The following CROCC2 variants were observed in gnomAD, a reference collection of about 807,000 sequenced individuals.
CROCC2 encodes ciliary rootlet coiled-coil, rootletin family member 2.
CROCC2 carries 163 observed loss-of-function variants against 177.6 expected under a neutral mutation model. The ratio of observed to expected loss-of-function variants is 0.92; its 90% CI spans 0.81 to 1.05. CROCC2 has a LOEUF of 1.05. Ranked by LOEUF, CROCC2 falls within the 50% of genes least tolerant of loss-of-function variation. The pLI is 0.00. For synonymous variants in CROCC2, 904 were observed against 787.3 expected (o/e 1.15, Z -2.48); for missense variants, 1,929 against 1,797.8 (o/e 1.07, Z -1.32).
At chr2:240,943,775 C>T (rs188668395) in intron 14 of CROCC2, among the ~76,000 whole-genome samples, 99 of 152,260 alleles carry the variant, frequency 6.5e-4, no homozygotes, top group African/African-American at 2.2e-3. Context: ...CCACCAAGCC[C>T]GGCCTAAAGC....
At chr2:240,965,271 T>C in intron 22 of CROCC2, 110 bp from the exon 23 acceptor site, 1 of 1,460,584 alleles carries the variant, frequency 6.8e-7, no homozygotes, top group East Asian at 2.5e-5. Flanking sequence ...CCTCCCTAAG[T>C]GTGGCCAGCT....
chr2:240,973,368 C>T lies in CROCC2; in HGVS notation c.4401+5106C>T, dbSNP rs771395984. Reference sequence around the variant, plus strand: ...CCAAGTAGCTGGCCAGGTCTCTGAGCAGGCGGGAGGCCTGGCACTCACTCA... The same window carrying T: ...CCAAGTAGCTGGCCAGGTCTCTGAGTAGGCGGGAGGCCTGGCACTCACTCA... On this transcript the variant is annotated intron_variant, in intron 27 of 31. Coordinates refer to ENST00000690015, the MANE Select transcript of CROCC2 (RefSeq NM_001351305.2). The surrounding 1 kb of genome is among the most constrained non-coding windows in gnomAD (Gnocchi z 4.7). 4.6e-5 allele frequency among the ~76,000 whole-genome samples: 7 copies of T among 152,152 alleles called. No individual in the cohort carries two copies. Among genetic ancestry groups the T allele is most frequent in the Non-Finnish European group, 1.0e-4 (7 of 68,026 alleles).
In CROCC2 at chr2:240,926,977, T is replaced by C. The variant is rs1264303510; in HGVS notation, c.645+1097T>C. Reference sequence around the variant, plus strand: ...AGGATCCCGGGAGCCGATTCTGCTGTGTGAGAACAAATGCCAGAAGGAGAG... The same window carrying C: ...AGGATCCCGGGAGCCGATTCTGCTGCGTGAGAACAAATGCCAGAAGGAGAG... On this transcript the variant is annotated intron_variant, in intron 5 of 31. Coordinates refer to ENST00000690015, the MANE Select transcript of CROCC2 (RefSeq NM_001351305.2). Among the ~76,000 whole-genome samples the C allele has an allele frequency of 3.3e-5, 5 of 152,390 alleles. No individual in the cohort carries two copies. In the East Asian group the frequency reaches 5.8e-4, roughly 18 times the overall value.
chr2:240,992,711 AG>A (rs2059888291), intron 31 of CROCC2, among the ~76,000 whole-genome samples: 1 of 152,106 alleles, frequency 6.6e-6, no homozygotes, highest in Non-Finnish European at 1.5e-5. Flanking sequence ...ATGGCCAGTC[AG>A]GGGTGGAGGA....
chr2:240,988,329 G>C (rs2059854149), intron 28 of CROCC2, among the ~76,000 whole-genome samples: 1 of 152,230 alleles, frequency 6.6e-6, no homozygotes, highest in Admixed American at 6.5e-5. Context: ...GAGCTCAGCA[G>C]ATCCTGAGTG....
At chr2:240,934,805 A>T (rs919802806) in intron 12 of CROCC2, 111 bp from the exon 13 acceptor site, 1 of 1,225,276 alleles carries the variant, frequency 8.2e-7, no homozygotes, top group African/African-American at 1.6e-5. Context: ...TGTCCGCCCA[A>T]GAGCTCTGGC....
chr2:240,967,690 GC>G, intron 26 of CROCC2: 1 of 561,254 alleles, frequency 1.8e-6, no homozygotes. Context: ...ACGTCCACAG[GC>G]CCATCAGGGC....
intron 6 of CROCC2, 143 bp downstream of exon 6, chr2:240,930,412 G>C (rs999738039): frequency 9.3e-6 from 4 of 428,800 alleles, no homozygotes; most frequent in African/African-American, 8.2e-5. Flanking sequence ...CCCAGCCCTG[G>C]CTGGGCCTCA....
chr2:240,949,028 G>A lies in CROCC2; in HGVS notation c.2413G>A (p.Ala805Thr), dbSNP rs1366148971. ...CAGCCTCCTTGAGGCCCAACAGCTG[G>A]CCACAAAGCTGCAGGAGCAGCTGGA... is the stretch of plus-strand genomic sequence containing the variant. ...ESSLLEAQQLATKLQEQLEEE... is the reference protein window; with the variant it reads ...ESSLLEAQQLTTKLQEQLEEE... The change falls in exon 16 of 32, where the codon GCC (alanine) becomes ACC (threonine). Residue 805 changes from alanine to threonine, a missense_variant. Physicochemically the swap from Ala to Thr is moderately conservative, Grantham distance 58 (BLOSUM62 0). Around this residue, in one of 3 missense-constraint regions of CROCC2, gnomAD observed 1,397 missense variants for 1,239.9 expected, o/e 1.13. Coordinates refer to ENST00000690015, the MANE Select transcript of CROCC2 (RefSeq NM_001351305.2). The surrounding 1 kb of genome is among the most constrained non-coding windows in gnomAD (Gnocchi z 4.5). The A allele has an allele frequency of 2.6e-6, 4 of 1,549,838 alleles. No homozygotes were observed. Among genetic ancestry groups the A allele is most frequent in the Non-Finnish European group, 3.5e-6 (4 of 1,146,860 alleles).
At chr2:240,962,791 C>T (rs2059652121) in intron 20 of CROCC2, among the ~76,000 whole-genome samples, 1 of 152,122 alleles carries the variant, frequency 6.6e-6, no homozygotes, top group South Asian at 2.1e-4. Flanking sequence ...GGAGACTGGG[C>T]GCCAGGGCCG....
At chr2:240,928,735 TGCAGACAG>T (rs2059409673) in intron 5 of CROCC2, among the ~76,000 whole-genome samples, 1 of 138,784 alleles carries the variant, frequency 7.2e-6, no homozygotes, top group Non-Finnish European at 1.7e-5. Flanking sequence ...TCGGAGGGCG[TGCAGACAG>T]GTGTAACGGG....
At chr2:240,959,687 G>A (rs959564411) in intron 20 of CROCC2, 4 of 443,956 alleles carry the variant, frequency 9.0e-6, no homozygotes, top group Non-Finnish European at 1.6e-5. Context: ...GCCTGGCCCA[G>A]GCCATTGGCT....
chr2:240,967,199 C>T, intron 25 of CROCC2, 146 bp from the exon 26 acceptor site: 3 of 397,388 alleles, frequency 7.5e-6, no homozygotes, highest in Non-Finnish European at 1.3e-5. Context: ...TCCCCGAGCC[C>T]ACGGCCCACA....
chr2:240,948,563 T>C (rs775368365), intron 15 of CROCC2, among the ~76,000 whole-genome samples: 3 of 152,310 alleles, frequency 2.0e-5, no homozygotes, highest in African/African-American at 7.2e-5. Flanking sequence ...CCATTGATGG[T>C]TGGATCATTG....
chr2:240,965,395 G>A lies in CROCC2; in HGVS notation c.3480G>A (p.Lys1160=). The A allele has an allele frequency of 6.5e-7, 1 of 1,549,536 alleles. No homozygotes were observed. Among genetic ancestry groups the A allele is most frequent in the Non-Finnish European group, 8.7e-7 (1 of 1,146,908 alleles). The change falls in exon 23 of 32, where the codon AAG becomes AAA. Residue 1160 remains lysine (K), a synonymous_variant. Coordinates refer to ENST00000690015, the MANE Select transcript of CROCC2 (RefSeq NM_001351305.2). ...RELHRQVRTL[K]AENQRRSGEA... Reference sequence around the variant, plus strand: ...CACGCTCCCAGGTGAGGACACTGAAGGCCGAGAACCAGAGGAGGAGTGGAG... The same window carrying A: ...CACGCTCCCAGGTGAGGACACTGAAAGCCGAGAACCAGAGGAGGAGTGGAG...
At chr2:240,964,374 A>G (rs2059662706) in intron 21 of CROCC2, 92 bp from the exon 22 acceptor site, 1 of 1,416,644 alleles carries the variant, frequency 7.1e-7, no homozygotes, top group South Asian at 1.3e-5. Context: ...GACTGGGGCC[A>G]GTGCCTCACT....
At chr2:240,930,903 C>A (rs552351048) in intron 6 of CROCC2, 28 bp from the exon 7 acceptor site, 8 of 688,678 alleles carry the variant, frequency 1.2e-5, no homozygotes, top group Middle Eastern at 4.7e-4. Flanking sequence ...GTCCTGAGTC[C>A]GCCACAGATG....
At position 240,991,290 on chromosome 2, in the gene CROCC2, T is replaced by G; in HGVS notation, c.4946+12T>G. 6.5e-7 allele frequency: 1 copy of G among 1,544,920 alleles called. No homozygotes were observed. Among genetic ancestry groups the G allele is most frequent in the Non-Finnish European group, 8.7e-7 (1 of 1,143,662 alleles). On this transcript the variant is annotated intron_variant, in intron 31 of 31. Coordinates refer to ENST00000690015, the MANE Select transcript of CROCC2 (RefSeq NM_001351305.2). ...TTCCAGACAGGACAGTGAGCCCTGC[T>G]GCATACCACCCAGCAGCCTAGCTGC...
chr2:240,959,249 C>T, intron 19 of CROCC2, 52 bp from the exon 20 acceptor site: 1 of 1,537,904 alleles, frequency 6.5e-7, no homozygotes. Context: ...CCTCACCCTC[C>T]ACTGCTGGGC....
Sources: gnomAD v4.1 joint callset for allele counts (sites outside exome capture counted in the v4.1 genomes callset) on GRCh38, gnomAD v4.1.1 for gene constraint, gnomAD v4.1.1 regional missense constraint, Gnocchi (gnomAD v3.1) non-coding constraint, MANE v1.5 for transcripts, NCBI Gene and HGNC (gene_info 2026-07-23, HGNC 2026-07-21) for gene names.